PHACTR1: variants seen among roughly 807,000 people sequenced by gnomAD.
PHACTR1 encodes phosphatase and actin regulator 1.
PHACTR1 carries 16 observed loss-of-function variants against 69.2 expected under a neutral mutation model. That is an observed-to-expected ratio of 0.23 (90% CI 0.16 to 0.35). PHACTR1 has a LOEUF of 0.35. Among genes scored for constraint, PHACTR1 ranks in the 10% least tolerant of loss-of-function variants. PHACTR1 has a pLI of 1.00. For synonymous variants in PHACTR1, 312 were observed against 284.5 expected (o/e 1.10, Z -0.97); for missense variants, 510 against 734.7 (o/e 0.69, Z 3.54).
chr6:13,154,149 G>T (rs1025596715), intron 5 of PHACTR1, among the ~76,000 whole-genome samples: 3 of 151,994 alleles, frequency 2.0e-5, no homozygotes, highest in African/African-American at 7.2e-5. Context: ...ATTTTATACT[G>T]CCCTGTATTT....
In PHACTR1 at chr6:13,227,881, T is replaced by A. The variant is rs760530246; in HGVS notation, c.1052T>A (p.Val351Asp). The change falls in exon 9 of 15, where the codon GTC becomes GAC. Residue 351 changes from valine (V) to aspartate (D), a missense_variant. Around this residue, in one of 2 missense-constraint regions of PHACTR1, gnomAD observed 419 missense variants for 530.9 expected, o/e 0.79. Transcript: ENST00000332995. ...HSSGLHSGDG[V>D]TKAGPMGLPE... ...TCTGGGTTGCACTCGGGTGATGGGG[T>A]CACCAAAGCAGGACCTATGGGCCTT... is the stretch of plus-strand genomic sequence containing the variant. 4.3e-6 allele frequency: 7 copies of A among 1,613,932 alleles called. No individual in the cohort carries two copies. The highest frequency in any genetic ancestry group is 5.1e-6 in the Non-Finnish European group (6 of 1,179,880).
intron 5 of PHACTR1, among the ~76,000 whole-genome samples, chr6:13,144,428 T>A (rs4538692): frequency 0.52 from 79,467 of 151,954 alleles, 21,511 homozygotes; most frequent in East Asian, 0.69. Flanking sequence ...TGAAAATAAT[T>A]TTTAAATCCT....
chr6:12,797,999 T>C (rs1773250391), intron 4 of PHACTR1, among the ~76,000 whole-genome samples: 1 of 149,474 alleles, frequency 6.7e-6, no homozygotes, highest in Admixed American at 6.7e-5. Context: ...TATATTTCCA[T>C]GGTTATTTTC....
intron 4 of PHACTR1, among the ~76,000 whole-genome samples, chr6:12,875,387 G>A (rs1782434234): frequency 6.6e-6 from 1 of 152,170 alleles, no homozygotes; most frequent in South Asian, 2.1e-4. Flanking sequence ...CTCGATATTT[G>A]CGTTGTGCCC....
intron 4 of PHACTR1, among the ~76,000 whole-genome samples, chr6:12,963,532 T>C (rs952912032): frequency 6.6e-6 from 1 of 152,080 alleles, no homozygotes; most frequent in African/African-American, 2.4e-5. Context: ...TTTAGTAACT[T>C]GTAAAACACC....
At chr6:13,273,280 G>A (rs553216627) in intron 11 of PHACTR1, 8 of 211,750 alleles carry the variant, frequency 3.8e-5, no homozygotes, top group African/African-American at 1.8e-4. Flanking sequence ...GATATGCACG[G>A]CTAAAATAAG....
chr6:12,957,822 G>A (rs1205530427), intron 4 of PHACTR1: 1 of 985,600 alleles, frequency 1.0e-6, no homozygotes, highest in African/African-American at 1.7e-5. Context: ...GTGGGAGCTG[G>A]TCAGCGGCCA....
intron 5 of PHACTR1, among the ~76,000 whole-genome samples, chr6:13,155,569 T>C (rs1758052210): frequency 6.6e-6 from 1 of 152,124 alleles, no homozygotes; most frequent in African/African-American, 2.4e-5. Context: ...GTGTCATGCA[T>C]ACCTTGTTAA....
intron 4 of PHACTR1, among the ~76,000 whole-genome samples, chr6:12,845,422 A>ACCCCCCCCCC (rs879435671): frequency 3.9e-4 from 5 of 12,796 alleles, no homozygotes; most frequent in Admixed American, 1.0e-3. Context: ...CATTGTGAAC[A>ACCCCCCCCCC]CCACCCACCC....
At chr6:13,238,436 C>T in intron 10 of PHACTR1, among the ~76,000 whole-genome samples, 1 of 152,140 alleles carries the variant, frequency 6.6e-6, no homozygotes. Flanking sequence ...TTTAGAATTT[C>T]ATAATATGCT....
At chr6:13,063,154 G>A (rs998707668) in intron 5 of PHACTR1, among the ~76,000 whole-genome samples, 3 of 152,170 alleles carry the variant, frequency 2.0e-5, no homozygotes, top group Non-Finnish European at 4.4e-5. Context: ...GCCAGATGCT[G>A]CCATTGTTCA....
At chr6:13,235,359 G>A (rs1771826683) in intron 10 of PHACTR1, among the ~76,000 whole-genome samples, 1 of 152,168 alleles carries the variant, frequency 6.6e-6, no homozygotes, top group Non-Finnish European at 1.5e-5. Context: ...TCCCACCAGA[G>A]TAATGTTCCC....
intron 4 of PHACTR1, among the ~76,000 whole-genome samples, chr6:13,048,217 C>T (rs962990586): frequency 6.6e-5 from 10 of 152,176 alleles, no homozygotes; most frequent in African/African-American, 2.2e-4. Flanking sequence ...TCACTTCAGC[C>T]TTCTGAAGGA....
At chr6:13,071,966 T>TC (rs1195638839) in intron 5 of PHACTR1, among the ~76,000 whole-genome samples, 1 of 152,228 alleles carries the variant, frequency 6.6e-6, no homozygotes, top group African/African-American at 2.4e-5. Context: ...TTCAGCAGCA[T>TC]CATTTTATAA....
At chr6:13,185,383 T>A (rs1762707418) in intron 7 of PHACTR1, among the ~76,000 whole-genome samples, 1 of 151,874 alleles carries the variant, frequency 6.6e-6, no homozygotes. Flanking sequence ...AGGTTTTAAA[T>A]TTTTTGTCTT....
intron 3 of PHACTR1, among the ~76,000 whole-genome samples, chr6:12,746,419 C>G (rs181334790): frequency 1.1e-3 from 166 of 152,138 alleles, no homozygotes; most frequent in African/African-American, 3.8e-3. Flanking sequence ...TAGCTGTGGT[C>G]CCAGCTACTT....
At chr6:13,265,807 CA>C (rs1776612229) in intron 10 of PHACTR1, among the ~76,000 whole-genome samples, 1 of 152,222 alleles carries the variant, frequency 6.6e-6, no homozygotes, top group African/African-American at 2.4e-5. Flanking sequence ...GAATCCATGG[CA>C]GGGTCATCCT....
chr6:13,053,935 G>T (rs951494482), intron 5 of PHACTR1, among the ~76,000 whole-genome samples: 2 of 152,174 alleles, frequency 1.3e-5, no homozygotes, highest in Admixed American at 1.3e-4. Flanking sequence ...GATAAGAATA[G>T]GTTATTTCAT....
intron 4 of PHACTR1, among the ~76,000 whole-genome samples, chr6:12,806,768 G>A (rs1393582511): frequency 1.3e-5 from 2 of 151,950 alleles, no homozygotes; most frequent in Non-Finnish European, 2.9e-5. Context: ...ATTTTCACCA[G>A]TAATAGCTAT....
Sources: gnomAD v4.1 joint callset for allele counts (sites outside exome capture counted in the v4.1 genomes callset) on GRCh38, gnomAD v4.1.1 for gene constraint, gnomAD v4.1.1 regional missense constraint, MANE v1.5 for transcripts, NCBI Gene and HGNC (gene_info 2026-07-23, HGNC 2026-07-21) for gene names.